FOXK1: variants seen among roughly 807,000 people sequenced by gnomAD.
FOXK1 encodes the protein forkhead box protein K1.
A neutral mutation model predicts 51.9 loss-of-function variants in FOXK1; 19 were observed. The observed-to-expected ratio is 0.37, with a 90% CI of 0.26 to 0.54. The LOEUF (loss-of-function observed/expected upper bound fraction) is 0.54. Among genes scored for constraint, FOXK1 ranks in the 20% least tolerant of loss-of-function variants. The pLI, the probability that FOXK1 is intolerant of heterozygous loss-of-function variation, is 0.87. For missense variants in FOXK1, 870 were observed against 1,032.7 expected, an observed-to-expected ratio of 0.84 and a Z score of 2.16; for synonymous variants, 537 against 482.6, an observed-to-expected ratio of 1.11 and a Z score of -1.48.
In FOXK1 at chr7:4,756,972, GAA is replaced by G. The variant is rs952208603; in HGVS notation, c.1051-21_1051-20del. On this transcript the variant is annotated intron_variant, in intron 4 of 8. Transcript: ENST00000328914. The surrounding 1 kb of genome is among the most constrained non-coding windows in gnomAD (Gnocchi z 4.1). ...ATTTTCTGATTTGCTGGTGATGGGT[GAA>G]TATCTCTGCTTCCCTGCAGAATTCT... The G allele has an allele frequency of 1.9e-6, 3 of 1,609,560 alleles. No homozygotes were observed. The highest frequency in any genetic ancestry group is 2.5e-6 in the Non-Finnish European group (3 of 1,178,252).
Position 4,734,431 on chromosome 7 carries a change from G to A in FOXK1, c.561-6407G>A, listed in dbSNP as rs1400008490. Among the ~76,000 whole-genome samples the A allele has an allele frequency of 3.3e-5, 5 of 152,196 alleles. No individual in the cohort carries two copies. Among genetic ancestry groups the A allele is most frequent in the Admixed American group, 3.3e-4 (5 of 15,270 alleles). On this transcript the variant is annotated intron_variant, in intron 1 of 8. Transcript: ENST00000328914. This position sits in a 1 kb window ranked among gnomAD's most constrained non-coding sequence, Gnocchi z 5.2. ...CCTCCTTGGGAGGATGAGATGCTCT[G>A]TGGCTTCCACCACTCCCCAGATCGT...
chr7:4,723,375 T>G lies in FOXK1; in HGVS notation c.561-17463T>G, dbSNP rs1168660295. Among the ~76,000 whole-genome samples the G allele has an allele frequency of 1.3e-5, 2 of 152,090 alleles. No homozygotes were observed. Among genetic ancestry groups the G allele is most frequent in the African/African-American group, 4.8e-5 (2 of 41,434 alleles). On this transcript the variant is annotated intron_variant, in intron 1 of 8. Transcript: ENST00000328914. The surrounding 1 kb of genome is among the most constrained non-coding windows in gnomAD (Gnocchi z 4.7). ...CTTAATTTGTCTTCTCAAAGCTGTTTTTGTTTTCTGTGGGGTTTTTTTTTT... is the reference window on the plus strand; with the variant it reads ...CTTAATTTGTCTTCTCAAAGCTGTTGTTGTTTTCTGTGGGGTTTTTTTTTT...
In FOXK1 at chr7:4,705,548, T is replaced by TCGCTCTCG. The variant is rs879336654; in HGVS notation, c.560+22681_560+22682insGCTCTCGC. Among the ~76,000 whole-genome samples, 517 of 140,200 alleles carry TCGCTCTCG rather than the reference T, an allele frequency of 3.7e-3. 1 individual carries two copies. Among genetic ancestry groups the TCGCTCTCG allele is most frequent in the African/African-American group, 0.015 (480 of 32,602 alleles). The allele number at this position is 140,200 out of a possible 152,430, so 92.0% of individuals were successfully genotyped here. Reference sequence around the variant, plus strand: ...CTCTCTCTCTCTCTCTCTCTCTCTCTCTCTCTCTCTCGCTCTCGCTCTCTC... The same window carrying TCGCTCTCG: ...CTCTCTCTCTCTCTCTCTCTCTCTCTCGCTCTCGCTCTCTCTCTCGCTCTCGCTCTCTC... On this transcript the variant is annotated intron_variant, in intron 1 of 8. Coordinates refer to ENST00000328914, the MANE Select transcript of FOXK1 (RefSeq NM_001037165.2).
chr7:4,721,519 G>C (rs1780310054), intron 1 of FOXK1, among the ~76,000 whole-genome samples: 1 of 151,616 alleles, frequency 6.6e-6, no homozygotes, highest in African/African-American at 2.4e-5. Flanking sequence ...AATAATTCCA[G>C]CTCTCCAATG....
Position 4,753,146 on chromosome 7 carries a change from G to A in FOXK1, c.747-1313G>A, listed in dbSNP as rs934975030. Among the ~76,000 whole-genome samples, 2 of 152,216 alleles carry A rather than the reference G, an allele frequency of 1.3e-5. No homozygotes were observed. Among genetic ancestry groups the A allele is most frequent in the Non-Finnish European group, 1.5e-5 (1 of 68,038 alleles). On this transcript the variant is annotated intron_variant, in intron 2 of 8. Transcript: ENST00000328914. The surrounding 1 kb of genome is among the most constrained non-coding windows in gnomAD (Gnocchi z 4.9). ...CTTAACGTTCCATGTGGGTGACACT[G>A]AGTCCTTCCTGAAAATGCCCCAGAC...
chr7:4,759,537 G>A lies in FOXK1; in HGVS notation c.1638G>A (p.Ala546=), dbSNP rs1780903659. 2.6e-6 allele frequency: 4 copies of A among 1,558,448 alleles called. No homozygotes were observed. The highest frequency in any genetic ancestry group is 2.6e-6 in the Non-Finnish European group (3 of 1,158,426). Residue 546 remains alanine, a synonymous_variant, in exon 7 of 9, where the codon GCG becomes GCA. Coordinates refer to ENST00000328914, the MANE Select transcript of FOXK1 (RefSeq NM_001037165.2). ...NGYILTSQGA[A]GGSHDAAGAA... is the part of the protein sequence containing the mutation. The stretch of plus-strand genomic sequence containing the variant: ...ACATCCTCACCAGCCAGGGCGCGGC[G>A]GGGGGCTCCCATGATGCGGCGGGCG...
rs201202204 is a variant in FOXK1 at position 4,755,298 on chromosome 7, A to C, written c.965A>C (p.Gln322Pro). 2 of 1,613,992 alleles carry C rather than the reference A, an allele frequency of 1.2e-6. No homozygotes were observed. The highest frequency in any genetic ancestry group is 4.5e-5 in the East Asian group (2 of 44,884). ...QLIVQAISSA[Q>P]DRQLTLSGIY... ...ATCGTGCAGGCCATCTCCTCCGCCC[A>C]GGACCGGCAGCTGACCCTGAGCGGG... Residue 322 changes from glutamine to proline, a missense_variant, in exon 4 of 9, where the codon CAG becomes CCG. This residue lies in a region of FOXK1 where 399 missense variants were observed against 475.6 expected (regional missense o/e 0.84). Transcript: ENST00000328914. This position sits in a 1 kb window ranked among gnomAD's most constrained non-coding sequence, Gnocchi z 6.6.
rs1779772530 is a variant in FOXK1, at chr7:4,683,004, C to T, written c.560+136C>T. ...CCCCCCGGCCCACCCCCGGTAACCC[C>T]CGACCGGCCTGGACTCCGGGGTCAA... On this transcript the variant is annotated intron_variant, in intron 1 of 8. Coordinates refer to ENST00000328914, the MANE Select transcript of FOXK1 (RefSeq NM_001037165.2). This position sits in a 1 kb window ranked among gnomAD's most constrained non-coding sequence, Gnocchi z 4.5. The T allele has an allele frequency of 5.4e-6, 5 of 932,964 alleles. No individual in the cohort carries two copies. The East Asian group carries it at 9.4e-5, about 18-fold the overall frequency. The allele number at this position is 932,964 out of a possible 1,614,324, so 57.8% of individuals were successfully genotyped here. A position where few individuals can be genotyped will look rare whatever the true frequency, so the allele number is the denominator to read the frequency against.
rs1779786778 is a variant in FOXK1, at chr7:4,683,984, G to C, written c.560+1116G>C. On this transcript the variant is annotated intron_variant, in intron 1 of 8. Transcript: ENST00000328914. The surrounding 1 kb of genome is among the most constrained non-coding windows in gnomAD (Gnocchi z 4.5). ...TCAAATTAGATTCCCCCGGGCCCGA[G>C]GTCACCAGGGCAGAGAGACCCAGCT... Among the ~76,000 whole-genome samples the C allele has an allele frequency of 6.6e-6, 1 of 152,142 alleles. No homozygotes were observed. Among genetic ancestry groups the C allele is most frequent in the South Asian group, 2.1e-4 (1 of 4,830 alleles).
intron 1 of FOXK1, among the ~76,000 whole-genome samples, chr7:4,737,065 G>A (rs1198726122): frequency 6.6e-6 from 1 of 152,178 alleles, no homozygotes; most frequent in South Asian, 2.1e-4. Flanking sequence ...GTGTGTGCAT[G>A]TGCGTGTGCA....
chr7:4,717,613 C>T (rs1220108564), intron 1 of FOXK1, among the ~76,000 whole-genome samples: 5 of 152,182 alleles, frequency 3.3e-5, no homozygotes, highest in East Asian at 3.9e-4. Flanking sequence ...GTCTGTGAAG[C>T]GCATGACGGG....
At chr7:4,742,358 G>A (rs961706145) in intron 2 of FOXK1, among the ~76,000 whole-genome samples, 9 of 152,042 alleles carry the variant, frequency 5.9e-5, no homozygotes, top group Non-Finnish European at 1.2e-4. Flanking sequence ...GCTGAACCCC[G>A]GCCGCACCTT....
rs1421085501 is a variant in FOXK1, at chr7:4,711,833, T to G, written c.560+28965T>G. On this transcript the variant is annotated intron_variant, in intron 1 of 8. Coordinates refer to ENST00000328914, the MANE Select transcript of FOXK1 (RefSeq NM_001037165.2). This position sits in a 1 kb window ranked among gnomAD's most constrained non-coding sequence, Gnocchi z 6.3. ...CAACGCAAGGTCAGAGAGAAAAGATTGCGGCCGGCCGGTGTCAAGGCGGGG... is the reference window on the plus strand; with the variant it reads ...CAACGCAAGGTCAGAGAGAAAAGATGGCGGCCGGCCGGTGTCAAGGCGGGG... Among the ~76,000 whole-genome samples, 3 of 152,132 alleles carry G rather than the reference T, an allele frequency of 2.0e-5. No homozygotes were observed. Among genetic ancestry groups the G allele is most frequent in the African/African-American group, 7.2e-5 (3 of 41,494 alleles).
chr7:4,725,290 A>G (rs977694180), intron 1 of FOXK1, among the ~76,000 whole-genome samples: 1 of 152,234 alleles, frequency 6.6e-6, no homozygotes, highest in Non-Finnish European at 1.5e-5. Flanking sequence ...CACCGACGCC[A>G]TCGGCTCCGG....
At chr7:4,685,664 C>CTGGA (rs1178078181) in intron 1 of FOXK1, among the ~76,000 whole-genome samples, 3 of 151,690 alleles carry the variant, frequency 2.0e-5, no homozygotes, top group African/African-American at 7.3e-5. Context: ...ATTCTTAAGC[C>CTGGA]TGGACTACAG....
Position 4,749,740 on chromosome 7 carries a change from G to A in FOXK1, c.747-4719G>A, listed in dbSNP as rs1317721649. 6.6e-6 allele frequency among the ~76,000 whole-genome samples: 1 copy of A among 152,236 alleles called. No individual in the cohort carries two copies. The highest frequency in any genetic ancestry group is 2.4e-5 in the African/African-American group (1 of 41,460). ...CAGAGCAGAGCCAAGGGCATTGAGG[G>A]TGGACTGGAAGGACCGCAGCCCTGT... On this transcript the variant is annotated intron_variant, in intron 2 of 8. Transcript: ENST00000328914. The surrounding 1 kb of genome is among the most constrained non-coding windows in gnomAD (Gnocchi z 6.0).
At position 4,756,268 on chromosome 7, in the gene FOXK1, C is replaced by A. The variant is rs1780851983; in HGVS notation, c.1051-726C>A. Among the ~76,000 whole-genome samples, 1 of 152,108 alleles carries A rather than the reference C, an allele frequency of 6.6e-6. No homozygotes were observed. Among genetic ancestry groups the A allele is most frequent in the Non-Finnish European group, 1.5e-5 (1 of 68,018 alleles). On this transcript the variant is annotated intron_variant, in intron 4 of 8. Coordinates refer to ENST00000328914, the MANE Select transcript of FOXK1 (RefSeq NM_001037165.2). This position sits in a 1 kb window ranked among gnomAD's most constrained non-coding sequence, Gnocchi z 4.1. The stretch of plus-strand genomic sequence containing the variant: ...TAGCTGGGGCTACAGGTGCCCACCA[C>A]CACACCTGGCTATTTTTTGTATTTT...
At chr7:4,736,566 C>A (rs1780554872) in intron 1 of FOXK1, among the ~76,000 whole-genome samples, 1 of 152,034 alleles carries the variant, frequency 6.6e-6, no homozygotes, top group African/African-American at 2.4e-5. Context: ...GTGTGTGCCA[C>A]CATGCCTGGT....
chr7:4,719,179 A>G (rs6968957), intron 1 of FOXK1, among the ~76,000 whole-genome samples: 59,267 of 150,474 alleles, frequency 0.39, 11,977 homozygotes, highest in African/African-American at 0.46. Context: ...TCTGTTGCCC[A>G]GCTGGAGTGC....
Sources: gnomAD v4.1 joint callset for allele counts (sites outside exome capture counted in the v4.1 genomes callset) on GRCh38, gnomAD v4.1.1 for gene constraint, gnomAD v4.1.1 regional missense constraint, Gnocchi (gnomAD v3.1) non-coding constraint, MANE v1.5 for transcripts, NCBI Gene and HGNC (gene_info 2026-07-23, HGNC 2026-07-21) for gene names.